Variants in PLXND1 observed in about 807,000 individuals in gnomAD.
PLXND1 encodes plexin-D1.
A neutral mutation model predicts 197.7 loss-of-function variants in PLXND1; 54 were observed. That is an observed-to-expected ratio of 0.27 (90% CI 0.22 to 0.34). PLXND1 has a LOEUF of 0.34. Among genes scored for constraint, PLXND1 ranks in the 10% least tolerant of loss-of-function variants. PLXND1 has a pLI of 1.00. For synonymous variants in PLXND1, 1,180 were observed against 1,161.2 expected (o/e 1.02, Z -0.33); for missense variants, 2,127 against 2,699.2 (o/e 0.79, Z 4.70).
At chr3:129,605,272 CCCGCCCCCGCCCCCG>C in intron 1 of PLXND1, 42 bp downstream of exon 1, 4 of 591,572 alleles carry the variant, frequency 6.8e-6, no homozygotes, top group Non-Finnish European at 7.2e-6. Flanking sequence ...CCCGCCCGCC[CCCGCCCCCGCCCCCG>C]CCGCCGCCGC....
intron 12 of PLXND1, 32 bp downstream of exon 12, chr3:129,574,304 G>A (rs749508011): frequency 5.8e-6 from 9 of 1,554,994 alleles, no homozygotes; most frequent in African/African-American, 5.5e-5. Flanking sequence ...GCCGGAGTGC[G>A]GGTGCCACGT....
In PLXND1 at chr3:129,606,508, G is replaced by A. The variant is rs2085797256; in HGVS notation, c.132C>T (p.Ala44=). ...ACCGACGCTGGATCTCCAGGGCGCC[G>A]GCCCGCGCCGCCCCCAGGAGCAGCA... is the stretch of plus-strand genomic sequence containing the variant. ...LLLLLLGAAR[A]GALEIQRRFP... The change falls in exon 1 of 36, where the codon GCC becomes GCT. Residue 44 remains alanine (A), a synonymous_variant. Coordinates refer to ENST00000324093, the MANE Select transcript of PLXND1 (RefSeq NM_015103.3). 7.1e-7 allele frequency: 1 copy of A among 1,399,394 alleles called. No homozygotes were observed. Among genetic ancestry groups the A allele is most frequent in the Admixed American group, 3.2e-5 (1 of 31,268 alleles). 86.7% of individuals were successfully genotyped at this position (1,399,394 alleles called of 1,614,324 possible). A position where few individuals can be genotyped will look rare whatever the true frequency, so the allele number is the denominator to read the frequency against.
chr3:129,569,965 G>C lies in PLXND1; in HGVS notation c.3751-8C>G, dbSNP rs1432866298. On this transcript the variant is annotated splice_polypyrimidine_tract_variant and splice_region_variant and intron_variant, in intron 19 of 35. Coordinates refer to ENST00000324093, the MANE Select transcript of PLXND1 (RefSeq NM_015103.3). ...GAAGTTCCCTACCTGGATCTGTGCA[G>C]AGGTTGGGGAAGGGGGTTGTAGCTT... 1.3e-6 allele frequency: 2 copies of C among 1,532,192 alleles called. No homozygotes were observed. Among genetic ancestry groups the C allele is most frequent in the Admixed American group, 3.3e-5 (2 of 59,920 alleles). 94.9% of individuals were successfully genotyped at this position (1,532,192 alleles called of 1,614,324 possible).
chr3:129,593,286 G>A (rs1204718658), intron 1 of PLXND1, among the ~76,000 whole-genome samples: 3 of 152,050 alleles, frequency 2.0e-5, no homozygotes, highest in Non-Finnish European at 2.9e-5. Flanking sequence ...CACCCGCTGC[G>A]CCCACCACAT....
At chr3:129,573,510 G>A in intron 13 of PLXND1, 84 bp downstream of exon 13, 1 of 1,336,330 alleles carries the variant, frequency 7.5e-7, no homozygotes, top group East Asian at 2.3e-5. Flanking sequence ...AGTGAGGACA[G>A]AGGATGGGGA....
At chr3:129,570,701 C>A in intron 19 of PLXND1, 85 bp downstream of exon 19, 1 of 1,347,730 alleles carries the variant, frequency 7.4e-7, no homozygotes, top group South Asian at 1.2e-5. Flanking sequence ...TCAGTGAATT[C>A]AGGTGCTGGG....
At position 129,556,163 on chromosome 3, in the gene PLXND1, C is replaced by G. The variant is rs1560055375; in HGVS notation, c.*149G>C. 3.0e-6 allele frequency: 2 copies of G among 670,020 alleles called. No individual in the cohort carries two copies. The highest frequency in any genetic ancestry group is 2.3e-5 in the Admixed American group (1 of 43,376). 41.5% of individuals were successfully genotyped at this position (670,020 alleles called of 1,614,324 possible). A position where few individuals can be genotyped will look rare whatever the true frequency, so the allele number is the denominator to read the frequency against. The stretch of plus-strand genomic sequence containing the variant: ...GGTCAAGGCGGGGGCGCCCCTGTCT[C>G]AGAGAGCAGCCCCTCCTCCTGCCCC... On this transcript the variant is annotated 3_prime_UTR_variant, in exon 36 of 36. Coordinates refer to ENST00000324093, the MANE Select transcript of PLXND1 (RefSeq NM_015103.3).
In PLXND1 at chr3:129,558,974, T is replaced by C. The variant is rs1352836323; in HGVS notation, c.5298-399A>G. On this transcript the variant is annotated intron_variant, in intron 32 of 35. Coordinates refer to ENST00000324093, the MANE Select transcript of PLXND1 (RefSeq NM_015103.3). This position sits in a 1 kb window ranked among gnomAD's most constrained non-coding sequence, Gnocchi z 4.1. ...CTGTGGGGGGCAGGGCCTGGAGCTC[T>C]GGCCTTGTCCTCAAGAGGCCAGAGA... Among the ~76,000 whole-genome samples the C allele has an allele frequency of 6.6e-6, 1 of 152,106 alleles. No homozygotes were observed. Among genetic ancestry groups the C allele is most frequent in the East Asian group, 1.9e-4 (1 of 5,188 alleles).
In PLXND1 at chr3:129,606,666, G is replaced by T. The variant is rs1281348757; in HGVS notation, c.-27C>A. The T allele has an allele frequency of 2.4e-5, 22 of 926,462 alleles. 1 individual carries two copies. The South Asian group carries it at 1.1e-3, about 44-fold the overall frequency. The allele number at this position is 926,462 out of a possible 1,614,324, so 57.4% of individuals were successfully genotyped here. ...CGGGCGTGCGCGGGCTGCGCGGCGC[G>T]GCGAGTGCATGGGGCGAGGCGCGGC... On this transcript the variant is annotated 5_prime_UTR_variant, in exon 1 of 36. Coordinates refer to ENST00000324093, the MANE Select transcript of PLXND1 (RefSeq NM_015103.3).
In PLXND1 at chr3:129,566,454, C is replaced by T. The variant is rs2085141896; in HGVS notation, c.4191+73G>A. 1.0e-5 allele frequency: 9 copies of T among 894,674 alleles called. No homozygotes were observed. In the Middle Eastern group the frequency reaches 8.6e-4, roughly 85 times the overall value. 55.4% of individuals were successfully genotyped at this position (894,674 alleles called of 1,614,324 possible). A position where few individuals can be genotyped will look rare whatever the true frequency, so the allele number is the denominator to read the frequency against. On this transcript the variant is annotated intron_variant, in intron 23 of 35. Coordinates refer to ENST00000324093, the MANE Select transcript of PLXND1 (RefSeq NM_015103.3). ...GACAGGGATCAATGCATTAGATGAA[C>T]TGGAAAGGGGACCCAGGGGGGAGCA...
intron 1 of PLXND1, among the ~76,000 whole-genome samples, chr3:129,603,436 A>G (rs2085739528): frequency 6.6e-6 from 1 of 152,202 alleles, no homozygotes; most frequent in Non-Finnish European, 1.5e-5. Flanking sequence ...GGGCCGAGAC[A>G]CAGGGCCTGA....
In PLXND1 at chr3:129,572,709, TG is replaced by T; in HGVS notation, c.2976del (p.Lys993ArgfsTer16). 6.2e-7 allele frequency: 1 copy of T among 1,600,886 alleles called. No individual in the cohort carries two copies. Among genetic ancestry groups the T allele is most frequent in the Non-Finnish European group, 8.5e-7 (1 of 1,173,276 alleles). ...LVHSLEPTMG[P>X]KAGGTRITIH... ...ATGGTGATCCTGGTGCCCCCGGCCT[TG>T]GGGCCCATGGTAGGCTCCAGGGAGT... On this transcript the variant is annotated frameshift_variant, in exon 15 of 36. Coordinates refer to ENST00000324093, the MANE Select transcript of PLXND1 (RefSeq NM_015103.3). LOFTEE classifies it high-confidence loss of function.
Position 129,578,332 on chromosome 3 carries a change from GA to G in PLXND1, c.2342del (p.Phe781SerfsTer21). 2.5e-6 allele frequency: 4 copies of G among 1,596,412 alleles called. No homozygotes were observed. The highest frequency in any genetic ancestry group is 3.4e-6 in the Non-Finnish European group (4 of 1,170,836). ...ILVPLANTAF[F>X]QGAALECSFG... is the part of the protein sequence containing the mutation. ...CGCTGGCCTGGCTTCTACTTACCTG[GA>G]AAAAGGCAGTGTTGGCCAGAGGCAC... On this transcript the variant is annotated frameshift_variant, in exon 9 of 36. Transcript: ENST00000324093. LOFTEE classifies it high-confidence loss of function.
In PLXND1 at chr3:129,560,814, A is replaced by G; in HGVS notation, c.4994-91T>C. The G allele has an allele frequency of 7.4e-6, 6 of 815,900 alleles. No homozygotes were observed. In the South Asian group the frequency reaches 8.2e-5, roughly 11 times the overall value. The allele number at this position is 815,900 out of a possible 1,614,324, so 50.5% of individuals were successfully genotyped here. On this transcript the variant is annotated intron_variant, in intron 29 of 35. Transcript: ENST00000324093. ...GAAAGATGGAGTGAGAAACAGAAACAAGACAGAAAGATGGGGAGAGAAACA... is the reference window on the plus strand; with the variant it reads ...GAAAGATGGAGTGAGAAACAGAAACGAGACAGAAAGATGGGGAGAGAAACA...
At chr3:129,584,317 C>T (rs1381090975) in intron 6 of PLXND1, 68 bp downstream of exon 6, 31 of 1,596,508 alleles carry the variant, frequency 1.9e-5, no homozygotes, top group Non-Finnish European at 2.5e-5. Flanking sequence ...TGGCCCCCTG[C>T]CATCCCCATG....
Position 129,558,358 on chromosome 3 carries a change from A to C in PLXND1, c.5445+70T>G. 1 of 1,439,506 alleles carries C rather than the reference A, an allele frequency of 6.9e-7. No homozygotes were observed. Among genetic ancestry groups the C allele is most frequent in the East Asian group, 2.3e-5 (1 of 43,586 alleles). The allele number at this position is 1,439,506 out of a possible 1,614,324, so 89.2% of individuals were successfully genotyped here. The stretch of plus-strand genomic sequence containing the variant: ...TGAGCTCAGCCTCAGAGAGTCGAGG[A>C]GGCTACCCATGGTCGGCACCCCACT... On this transcript the variant is annotated intron_variant, in intron 33 of 35. Transcript: ENST00000324093. The surrounding 1 kb of genome is among the most constrained non-coding windows in gnomAD (Gnocchi z 4.1).
At chr3:129,574,555 C>T in intron 11 of PLXND1, 65 bp from the exon 12 acceptor site, 1 of 1,487,618 alleles carries the variant, frequency 6.7e-7, no homozygotes, top group Non-Finnish European at 9.2e-7. Flanking sequence ...ACCGCTGTGC[C>T]CTCCACACAC....
intron 30 of PLXND1, 24 bp from the exon 31 acceptor site, chr3:129,560,458 T>C (rs960641293): frequency 1.3e-6 from 2 of 1,518,058 alleles, no homozygotes; most frequent in Admixed American, 1.7e-5. Context: ...CAGTGGTCAG[T>C]GTCCGCACCA....
Position 129,555,321 on chromosome 3 carries a change from G to A in PLXND1, c.*991C>T. 1.8e-6 allele frequency: 1 copy of A among 558,704 alleles called. No individual in the cohort carries two copies. Among genetic ancestry groups the A allele is most frequent in the Non-Finnish European group, 3.1e-6 (1 of 320,756 alleles). 34.6% of individuals were successfully genotyped at this position (558,704 alleles called of 1,614,324 possible). Reference sequence around the variant, plus strand: ...AGTCCCAACACTGGCTGAGTTGGCTGCGAGGGGCCCGCATGGCCCATCGGC... The same window carrying A: ...AGTCCCAACACTGGCTGAGTTGGCTACGAGGGGCCCGCATGGCCCATCGGC... On this transcript the variant is annotated 3_prime_UTR_variant, in exon 36 of 36. Transcript: ENST00000324093.
Sources: allele counts gnomAD v4.1 joint callset (sites outside exome capture counted in the v4.1 genomes callset), GRCh38; gene constraint gnomAD v4.1.1; non-coding constraint Gnocchi (gnomAD v3.1); transcripts MANE v1.5; gene names NCBI Gene and HGNC (gene_info 2026-07-23, HGNC 2026-07-21).